FAM120B: variants seen among roughly 807,000 people sequenced by gnomAD.
The protein encoded by FAM120B is family with sequence similarity 120 member B, also known as constitutive coactivator of peroxisome proliferator-activated receptor gamma.
In FAM120B, 83 loss-of-function variants were observed where a neutral mutation model predicts 96.3. The observed-to-expected ratio is 0.86, with a 90% confidence interval of 0.72 to 1.03. The LOEUF (loss-of-function observed/expected upper bound fraction) is 1.03. Among genes scored for constraint, FAM120B ranks in the 50% least tolerant of loss-of-function variants. The pLI is 0.00. For synonymous variants in FAM120B, 407 were observed against 402.7 expected (o/e 1.01, Z -0.13); for missense variants, 1,027 against 1,121.2 (o/e 0.92, Z 1.20).
In FAM120B at chr6:170,400,897, A is replaced by G. The variant is rs140188057; in HGVS notation, c.2693-3653A>G. 2.3e-3 allele frequency among the ~76,000 whole-genome samples: 343 copies of G among 152,292 alleles called. 2 individuals carry two copies. Among genetic ancestry groups the G allele is most frequent in the Middle Eastern group, 0.014 (4 of 294 alleles). The stretch of plus-strand genomic sequence containing the variant: ...CCCCCAGAGCATGGCCCCCAGGTCA[A>G]GTGCCAGGAAGGATGCCATGCACAT... On this transcript the variant is annotated intron_variant, in intron 9 of 10. Coordinates refer to ENST00000476287, the MANE Select transcript of FAM120B (RefSeq NM_032448.3).
intron 4 of FAM120B, among the ~76,000 whole-genome samples, chr6:170,337,988 A>G (rs1209908225): frequency 3.3e-5 from 5 of 150,982 alleles, no homozygotes; most frequent in African/African-American, 1.2e-4. Context: ...CAGCTCCTGG[A>G]TTCATTGATT....
chr6:170,383,102 G>GAAAAAAAAA (rs140590111), intron 6 of FAM120B, among the ~76,000 whole-genome samples: 5 of 108,442 alleles, frequency 4.6e-5, no homozygotes, highest in Non-Finnish European at 6.3e-5. Flanking sequence ...GCCAAAAAAA[G>GAAAAAAAAA]AAAAAAAAAA....
chr6:170,318,660 G>C lies in FAM120B; in HGVS notation c.1270G>C (p.Glu424Gln), dbSNP rs746654977. 6.3e-7 allele frequency: 1 copy of C among 1,590,336 alleles called. No homozygotes were observed. The highest frequency in any genetic ancestry group is 2.4e-5 in the East Asian group (1 of 41,610). Residue 424 changes from glutamate to glutamine, a missense_variant, in exon 2 of 11, where the codon GAA (glutamate) becomes CAA (glutamine). By Grantham distance (29) the Glu-to-Gln change is conservative (BLOSUM62 2). Transcript: ENST00000476287. Reference sequence around the variant, plus strand: ...GTGTACAGGCCCTGAAGCCAGGCAAGAAGTTCCCATGTATACAGACTCTGA... The same window carrying C: ...GTGTACAGGCCCTGAAGCCAGGCAACAAGTTCCCATGTATACAGACTCTGA... ...PMCTGPEARQ[E>Q]VPMYTDSEPR...
intron 4 of FAM120B, among the ~76,000 whole-genome samples, chr6:170,336,016 T>C (rs1390162929): frequency 6.6e-6 from 1 of 152,190 alleles, no homozygotes; most frequent in Non-Finnish European, 1.5e-5. Flanking sequence ...ACTCTGATGA[T>C]AGTTTCTTTT....
chr6:170,312,495 G>A (rs1266799062), intron 1 of FAM120B, among the ~76,000 whole-genome samples: 1 of 152,112 alleles, frequency 6.6e-6, no homozygotes, highest in African/African-American at 2.4e-5. Context: ...GTTACTAAGT[G>A]GCAGTTAGAA....
At chr6:170,387,140 T>C (rs1279019522) in intron 6 of FAM120B, among the ~76,000 whole-genome samples, 1 of 152,174 alleles carries the variant, frequency 6.6e-6, no homozygotes, top group African/African-American at 2.4e-5. Flanking sequence ...AAACGAGTGT[T>C]GTTTTGGATA....
At position 170,388,476 on chromosome 6, in the gene FAM120B, G is replaced by C; in HGVS notation, c.2473G>C (p.Val825Leu). The C allele has an allele frequency of 1.2e-6, 2 of 1,614,134 alleles. No individual in the cohort carries two copies. The highest frequency in any genetic ancestry group is 4.5e-5 in the East Asian group (2 of 44,890). The change falls in exon 7 of 11, where the codon GTT becomes CTT. Residue 825 changes from valine (V) to leucine (L), a missense_variant. Around this residue, in one of 3 missense-constraint regions of FAM120B, gnomAD observed 142 missense variants for 122.5 expected, o/e 1.16. Transcript: ENST00000476287. ...LQSEKGYAVEVLLEQNRSRLT... is the reference protein window; with the variant it reads ...LQSEKGYAVELLLEQNRSRLT... ...ATCTGAAAAGGGTTATGCTGTGGAG[G>C]TTCTTTTAGAACAAAATGTGAGTTC...
chr6:170,329,564 C>T (rs926529824), intron 3 of FAM120B, among the ~76,000 whole-genome samples: 1 of 152,030 alleles, frequency 6.6e-6, no homozygotes, highest in Non-Finnish European at 1.5e-5. Context: ...AAGTCGAGTG[C>T]TGGAGTGATT....
chr6:170,296,563 C>T (rs1386700312), intron 1 of FAM120B, among the ~76,000 whole-genome samples: 2 of 151,782 alleles, frequency 1.3e-5, no homozygotes, highest in South Asian at 2.1e-4. Flanking sequence ...TCCCACCTCA[C>T]CGGGTGCAGC....
At chr6:170,401,971 ACT>A (rs1778606317) in intron 9 of FAM120B, among the ~76,000 whole-genome samples, 1 of 152,048 alleles carries the variant, frequency 6.6e-6, no homozygotes, top group Admixed American at 6.5e-5. Context: ...CCCAAGAGGC[ACT>A]CTCTCTTCCC....
At chr6:170,315,423 T>G (rs543190020) in intron 1 of FAM120B, among the ~76,000 whole-genome samples, 8 of 152,292 alleles carry the variant, frequency 5.3e-5, no homozygotes, top group Admixed American at 5.2e-4. Context: ...AATACCCTTT[T>G]TCAGAAATAA....
chr6:170,362,447 C>T (rs1056307845), intron 6 of FAM120B, among the ~76,000 whole-genome samples: 1 of 152,126 alleles, frequency 6.6e-6, no homozygotes, highest in Non-Finnish European at 1.5e-5. Context: ...TGTCTACCTG[C>T]CACTCTCCCA....
intron 5 of FAM120B, among the ~76,000 whole-genome samples, chr6:170,350,498 C>G (rs1304266537): frequency 6.6e-6 from 1 of 152,242 alleles, no homozygotes; most frequent in Non-Finnish European, 1.5e-5. Context: ...TGAGTCCTCC[C>G]AGTAGGGGTC....
chr6:170,401,743 C>T (rs1212393188), intron 9 of FAM120B, among the ~76,000 whole-genome samples: 2 of 152,180 alleles, frequency 1.3e-5, no homozygotes, highest in Non-Finnish European at 2.9e-5. Flanking sequence ...GGAAATGCTC[C>T]TTGAAGCATT....
chr6:170,362,531 C>T (rs941154731), intron 6 of FAM120B, among the ~76,000 whole-genome samples: 5 of 152,100 alleles, frequency 3.3e-5, no homozygotes, highest in African/African-American at 7.2e-5. Context: ...CCATGGTTGC[C>T]GTTATTCTCT....
chr6:170,341,542 C>CA (rs961594598), intron 4 of FAM120B, among the ~76,000 whole-genome samples: 4 of 151,330 alleles, frequency 2.6e-5, no homozygotes, highest in African/African-American at 9.7e-5. Flanking sequence ...TACTGGGGTA[C>CA]AAAAAAAAAC....
chr6:170,397,937 C>T (rs77875605), intron 9 of FAM120B, among the ~76,000 whole-genome samples: 2,425 of 152,306 alleles, frequency 0.016, 103 homozygotes, highest in East Asian at 0.1. Context: ...GTCCCCTACT[C>T]CTAGCCTCGT....
rs558114607 is a variant in FAM120B, at chr6:170,381,038, A to G, written c.2284-7249A>G. ...AGCAAAACATTTTTTAAATAAAGCT[A>G]TTTGAAGGTATCAGTGAACTGAAAA... On this transcript the variant is annotated intron_variant, in intron 6 of 10. Transcript: ENST00000476287. Among the ~76,000 whole-genome samples, 138 of 152,342 alleles carry G rather than the reference A, an allele frequency of 9.1e-4. 1 individual carries two copies. The highest frequency in any genetic ancestry group is 1.5e-3 in the Non-Finnish European group (103 of 68,028).
intron 7 of FAM120B, among the ~76,000 whole-genome samples, chr6:170,390,313 A>C (rs1202995702): frequency 6.6e-6 from 1 of 152,254 alleles, no homozygotes; most frequent in Admixed American, 6.5e-5. Context: ...GCAGAACAAG[A>C]GGAGAAATGT....
Sources: gnomAD v4.1 joint callset for allele counts (sites outside exome capture counted in the v4.1 genomes callset) on GRCh38, gnomAD v4.1.1 for gene constraint, gnomAD v4.1.1 regional missense constraint, MANE v1.5 for transcripts, NCBI Gene and HGNC (gene_info 2026-07-23, HGNC 2026-07-21) for gene names.